CHSY3: variants seen among roughly 807,000 people sequenced by gnomAD.
CHSY3 encodes N-acetylgalactosaminyl-proteoglycan 3-beta-glucuronosyltransferase 3.
CHSY3 carries 35 observed loss-of-function variants against 67.2 expected under a neutral mutation model. The ratio of observed to expected loss-of-function variants is 0.52; its 90% confidence interval spans 0.40 to 0.69. The LOEUF (loss-of-function observed/expected upper bound fraction) is 0.69. CHSY3 is among the 30% of genes least tolerant of loss of function. The pLI is 0.00. For synonymous variants in CHSY3, 474 were observed against 434.7 expected (o/e 1.09, Z -1.12); for missense variants, 1,069 against 1,138.5 (o/e 0.94, Z 0.88).
At chr5:130,160,891 A>ATTTTTTT (rs1171885849) in intron 2 of CHSY3, among the ~76,000 whole-genome samples, 4 of 138,256 alleles carry the variant, frequency 2.9e-5, no homozygotes, top group African/African-American at 9.0e-5. Flanking sequence ...TTATTTATTT[A>ATTTTTTT]TTTATTTTTT....
intron 2 of CHSY3, among the ~76,000 whole-genome samples, chr5:129,922,506 G>T (rs1437789459): frequency 6.6e-6 from 1 of 151,996 alleles, no homozygotes; most frequent in Non-Finnish European, 1.5e-5. Flanking sequence ...TGTTATTTTT[G>T]ATCTTTTCAT....
At chr5:130,060,895 C>T (rs933384185) in intron 2 of CHSY3, among the ~76,000 whole-genome samples, 113 of 152,004 alleles carry the variant, frequency 7.4e-4, no homozygotes, top group African/African-American at 2.6e-3. Flanking sequence ...ACAACAAACA[C>T]TGATGAAAGA....
intron 2 of CHSY3, among the ~76,000 whole-genome samples, chr5:129,980,010 G>A (rs915409065): frequency 1.3e-5 from 2 of 152,064 alleles, no homozygotes; most frequent in African/African-American, 4.8e-5. Context: ...AAGACATCTC[G>A]ATTGCTTTCA....
At chr5:130,175,858 G>A (rs1770032577) in intron 2 of CHSY3, among the ~76,000 whole-genome samples, 1 of 152,088 alleles carries the variant, frequency 6.6e-6, no homozygotes, top group Admixed American at 6.6e-5. Context: ...AACTGAAGAT[G>A]GGTTAAAGAT....
intron 2 of CHSY3, among the ~76,000 whole-genome samples, chr5:130,046,459 G>T (rs1765152509): frequency 6.6e-6 from 1 of 152,122 alleles, no homozygotes; most frequent in Non-Finnish European, 1.5e-5. Context: ...CCTTAAATTT[G>T]TAGGCTAATG....
intron 2 of CHSY3, among the ~76,000 whole-genome samples, chr5:130,101,118 A>G (rs1767229139): frequency 6.6e-6 from 1 of 152,232 alleles, no homozygotes; most frequent in Non-Finnish European, 1.5e-5. Context: ...GCTGGCATTC[A>G]GTGGACTATT....
intron 2 of CHSY3, among the ~76,000 whole-genome samples, chr5:130,014,841 C>T (rs1391061057): frequency 6.6e-6 from 1 of 152,076 alleles, no homozygotes. Flanking sequence ...TACAACAAAA[C>T]CAAAAATTGA....
chr5:130,102,250 G>A (rs1043784081), intron 2 of CHSY3, among the ~76,000 whole-genome samples: 2 of 152,024 alleles, frequency 1.3e-5, no homozygotes, highest in Non-Finnish European at 2.9e-5. Context: ...AATAATAACA[G>A]CCAGGTAGCA....
intron 2 of CHSY3, among the ~76,000 whole-genome samples, chr5:130,119,589 ACT>A (rs1767938875): frequency 6.6e-6 from 1 of 151,570 alleles, no homozygotes. Flanking sequence ...TCAACCTGAG[ACT>A]CTCAACTGAA....
chr5:130,159,537 ACTTTT>A (rs1359894389), intron 2 of CHSY3, among the ~76,000 whole-genome samples: 4 of 152,064 alleles, frequency 2.6e-5, no homozygotes, highest in African/African-American at 9.7e-5. Context: ...AGTTTTAAGC[ACTTTT>A]CTTTTACTTA....
At chr5:130,137,335 C>T (rs1768698271) in intron 2 of CHSY3, among the ~76,000 whole-genome samples, 1 of 152,116 alleles carries the variant, frequency 6.6e-6, no homozygotes, top group Non-Finnish European at 1.5e-5. Context: ...TTTCTGACAG[C>T]TCATCTGGTA....
At chr5:130,151,800 TC>T (rs1769239593) in intron 2 of CHSY3, among the ~76,000 whole-genome samples, 1 of 152,136 alleles carries the variant, frequency 6.6e-6, no homozygotes. Flanking sequence ...TCCTACTGTG[TC>T]CCTTCCATGA....
chr5:130,001,764 G>A, intron 2 of CHSY3: 2 of 836,270 alleles, frequency 2.4e-6, no homozygotes, highest in South Asian at 1.1e-4. Flanking sequence ...CCCTTATTCT[G>A]AACATGCCCT....
At chr5:129,922,759 C>T (rs1312232056) in intron 2 of CHSY3, among the ~76,000 whole-genome samples, 1 of 152,100 alleles carries the variant, frequency 6.6e-6, no homozygotes, top group East Asian at 1.9e-4. Flanking sequence ...ATGTGGTTTA[C>T]AATCATTTTC....
chr5:129,932,363 A>G (rs1761345773), intron 2 of CHSY3, among the ~76,000 whole-genome samples: 1 of 151,936 alleles, frequency 6.6e-6, no homozygotes, highest in Non-Finnish European at 1.5e-5. Context: ...AAGACTTTCA[A>G]TTGATTGGAT....
chr5:130,177,593 T>C (rs538494319), intron 2 of CHSY3, among the ~76,000 whole-genome samples: 1 of 152,314 alleles, frequency 6.6e-6, no homozygotes, highest in South Asian at 2.1e-4. Context: ...TTACTTTTTG[T>C]ACTTCCAGTT....
intron 2 of CHSY3, among the ~76,000 whole-genome samples, chr5:129,923,367 TGA>T (rs1208619250): frequency 6.6e-6 from 1 of 151,608 alleles, no homozygotes; most frequent in Non-Finnish European, 1.5e-5. Flanking sequence ...TGAAGAGGAG[TGA>T]GTTTTGCTTT....
Position 130,143,825 on chromosome 5 carries a change from T to C in CHSY3, c.1087-40404T>C, listed in dbSNP as rs1305675541. Among the ~76,000 whole-genome samples, 12 of 129,228 alleles carry C rather than the reference T, an allele frequency of 9.3e-5. 1 individual carries two copies. The highest frequency in any genetic ancestry group is 6.9e-4 in the East Asian group (3 of 4,324). The allele number at this position is 129,228 out of a possible 152,430, so 84.8% of individuals were successfully genotyped here. ...ATATATGTGTGTATATATATATATATATATATATATATATATATATATGCC... is the reference window on the plus strand; with the variant it reads ...ATATATGTGTGTATATATATATATACATATATATATATATATATATATGCC... On this transcript the variant is annotated intron_variant, in intron 2 of 2. Transcript: ENST00000305031.
chr5:129,940,243 A>T (rs1050909015), intron 2 of CHSY3, among the ~76,000 whole-genome samples: 16 of 150,680 alleles, frequency 1.1e-4, no homozygotes, highest in East Asian at 5.8e-4. Context: ...AGATTTTCTT[A>T]AAAAAAAACA....
Sources: allele counts gnomAD v4.1 joint callset (sites outside exome capture counted in the v4.1 genomes callset), GRCh38; gene constraint gnomAD v4.1.1; transcripts MANE v1.5; gene names NCBI Gene and HGNC (gene_info 2026-07-23, HGNC 2026-07-21).